The following LAMA3 variants were observed in gnomAD, a reference collection of about 807,000 sequenced individuals.
LAMA3 encodes laminin subunit alpha 3.
In LAMA3, 281 loss-of-function variants were observed where a neutral mutation model predicts 402.0. That is an observed-to-expected ratio of 0.70 (90% CI 0.63 to 0.77). LAMA3 has a LOEUF of 0.77. LAMA3 is among the 30% of genes least tolerant of loss of function. LAMA3 has a pLI of 0.00. For missense variants in LAMA3, 3,840 were observed against 4,215.5 expected (o/e 0.91, Z 2.47); for synonymous variants, 1,431 against 1,558.4 (o/e 0.92, Z 1.93).
chr18:23,764,696 T>C (rs1598744839), intron 8 of LAMA3, among the ~76,000 whole-genome samples: 1 of 152,292 alleles, frequency 6.6e-6, no homozygotes, highest in African/African-American at 2.4e-5. Context: ...CAGTTAGATA[T>C]TTAGGTAGCG....
chr18:23,927,401 T>G (rs1238987025), intron 62 of LAMA3, among the ~76,000 whole-genome samples: 3 of 152,150 alleles, frequency 2.0e-5, no homozygotes, highest in African/African-American at 7.2e-5. Flanking sequence ...ACACCTGACC[T>G]CAAGTGATCC....
intron 70 of LAMA3, chr18:23,946,595 A>T: frequency 3.0e-6 from 1 of 328,136 alleles, no homozygotes. Flanking sequence ...TAGGTTATAG[A>T]CAGAGATTTT....
chr18:23,915,349 G>A lies in LAMA3; in HGVS notation c.7705G>A (p.Glu2569Lys). Reference protein sequence around the residue: ...KGCIELDDLNENVLSLYNFKK... With the variant: ...KGCIELDDLNKNVLSLYNFKK... ...TTGTATTGAATTAGATGACCTCAAT[G>A]AAAATGTTCTGAGCTTGTACAACTT... The change falls in exon 59 of 75, where the codon GAA becomes AAA. Residue 2569 changes from glutamate to lysine, a missense_variant. Glu to Lys is a moderately conservative substitution (Grantham distance 56, BLOSUM62 1). Coordinates refer to ENST00000313654, the MANE Select transcript of LAMA3 (RefSeq NM_198129.4). 3.1e-6 allele frequency: 5 copies of A among 1,613,476 alleles called. No individual in the cohort carries two copies. Among genetic ancestry groups the A allele is most frequent in the Non-Finnish European group, 4.2e-6 (5 of 1,179,462 alleles).
At chr18:23,854,089 T>G (rs2064008125) in intron 32 of LAMA3, among the ~76,000 whole-genome samples, 1 of 152,252 alleles carries the variant, frequency 6.6e-6, no homozygotes, top group Non-Finnish European at 1.5e-5. Flanking sequence ...CCCTCTGCTC[T>G]GTTGGCTTTT....
intron 74 of LAMA3, among the ~76,000 whole-genome samples, chr18:23,953,804 A>G (rs1463136931): frequency 6.6e-6 from 1 of 152,190 alleles, no homozygotes; most frequent in Non-Finnish European, 1.5e-5. Flanking sequence ...GACTGGGAGA[A>G]TCAGGTAGGC....
At position 23,689,573 on chromosome 18, in the gene LAMA3, C is replaced by A. The variant is rs1202710389; in HGVS notation, c.-111C>A. The A allele has an allele frequency of 4.7e-6, 5 of 1,074,896 alleles. No homozygotes were observed. The Admixed American group carries it at 1.3e-4, about 28-fold the overall frequency. 66.6% of individuals were successfully genotyped at this position (1,074,896 alleles called of 1,614,324 possible). A position where few individuals can be genotyped will look rare whatever the true frequency, so the allele number is the denominator to read the frequency against. On this transcript the variant is annotated 5_prime_UTR_variant, in exon 1 of 75. Transcript: ENST00000313654. ...GGAGCGGCCCCGGCGCCGCCCATAT[C>A]CCCGGCTGCGCTAGTCCTGGCGCTG...
At chr18:23,837,570 G>GATATAGATATATATATATATATAT (rs1555707626) in intron 25 of LAMA3, among the ~76,000 whole-genome samples, 12 of 83,294 alleles carry the variant, frequency 1.4e-4, no homozygotes, top group Admixed American at 6.6e-4. Context: ...CAGTTAATCA[G>GATATAGATATATATATATATATAT]ATATATATAT....
At position 23,833,884 on chromosome 18, in the gene LAMA3, C is replaced by T. The variant is rs757567744; in HGVS notation, c.2880C>T (p.Val960=). Residue 960 remains valine, a synonymous_variant, in exon 24 of 75, where the codon GTC becomes GTT. Coordinates refer to ENST00000313654, the MANE Select transcript of LAMA3 (RefSeq NM_198129.4). Reference sequence around the variant, plus strand: ...AGGTTGGCCACTACGTGGTTGTGGTCGAGTATTCCACGGAGGCAGCTCAGC... The same window carrying T: ...AGGTTGGCCACTACGTGGTTGTGGTTGAGTATTCCACGGAGGCAGCTCAGC... The part of the protein sequence containing the change: ...IPQVGHYVVV[V]EYSTEAAQLF... 10 of 1,613,864 alleles carry T rather than the reference C, an allele frequency of 6.2e-6. No homozygotes were observed. Among genetic ancestry groups the T allele is most frequent in the African/African-American group, 1.3e-5 (1 of 74,870 alleles).
In LAMA3 at chr18:23,881,968, T is replaced by C; in HGVS notation, c.5145T>C (p.Cys1715=). 1 of 1,614,092 alleles carries C rather than the reference T, an allele frequency of 6.2e-7. No homozygotes were observed. Among genetic ancestry groups the C allele is most frequent in the Non-Finnish European group, 8.5e-7 (1 of 1,179,970 alleles). Residue 1715 remains cysteine (C), a synonymous_variant, in exon 40 of 75, where the codon TGT becomes TGC. Transcript: ENST00000313654. ...AGCACAACACCGCGGGAGAGCACTG[T>C]GAACGCTGCCAGGAGGGCTACTATG... ...NCQHNTAGEH[C]ERCQEGYYGN...
At chr18:23,841,292 G>T (rs555697793) in intron 27 of LAMA3, among the ~76,000 whole-genome samples, 1 of 152,214 alleles carries the variant, frequency 6.6e-6, no homozygotes, top group African/African-American at 2.4e-5. Flanking sequence ...TGTTGTTGCT[G>T]TTGAAGATTT....
Position 23,904,225 on chromosome 18 carries a change from G to A in LAMA3, c.6473+138G>A, listed in dbSNP as rs945744284. ...GGCGGAGGGTGGGGTCAAGGCCAAT[G>A]CCCCAGGCCCAAGTCAGAAGCAGAG... On this transcript the variant is annotated intron_variant, in intron 50 of 74. Coordinates refer to ENST00000313654, the MANE Select transcript of LAMA3 (RefSeq NM_198129.4). The A allele has an allele frequency of 4.3e-6, 4 of 940,258 alleles. No individual in the cohort carries two copies. The Admixed American group carries it at 6.1e-5, about 14-fold the overall frequency. The allele number at this position is 940,258 out of a possible 1,614,324, so 58.2% of individuals were successfully genotyped here. A position where few individuals can be genotyped will look rare whatever the true frequency, so the allele number is the denominator to read the frequency against.
At chr18:23,847,736 G>A in intron 32 of LAMA3, 68 bp downstream of exon 32, 2 of 1,486,154 alleles carry the variant, frequency 1.3e-6, no homozygotes, top group Non-Finnish European at 1.8e-6. Context: ...CCACACACTG[G>A]TCATCGTCAC....
At chr18:23,735,580 G>A (rs966444750) in intron 2 of LAMA3, among the ~76,000 whole-genome samples, 1 of 151,872 alleles carries the variant, frequency 6.6e-6, no homozygotes, top group African/African-American at 2.4e-5. Context: ...CCTTAAACAC[G>A]CTCCCTTGAG....
chr18:23,713,770 T>C, intron 1 of LAMA3, 150 bp from the exon 2 acceptor site: 2 of 682,630 alleles, frequency 2.9e-6, no homozygotes, highest in South Asian at 3.7e-5. Flanking sequence ...TCAGAATACA[T>C]TCCAGTGAAT....
chr18:23,868,292 A>T (rs1182033907), intron 37 of LAMA3, among the ~76,000 whole-genome samples: 1 of 152,210 alleles, frequency 6.6e-6, no homozygotes, highest in Non-Finnish European at 1.5e-5. Flanking sequence ...TAGATTCAAA[A>T]CATGAATTAT....
intron 67 of LAMA3, among the ~76,000 whole-genome samples, chr18:23,934,573 T>C (rs890763358): frequency 6.6e-6 from 1 of 152,240 alleles, no homozygotes; most frequent in Non-Finnish European, 1.5e-5. Context: ...CTCCTTGCTC[T>C]GCTCAAGGTC....
intron 8 of LAMA3, among the ~76,000 whole-genome samples, chr18:23,764,115 C>G (rs1478192198): frequency 1.3e-5 from 2 of 152,034 alleles, no homozygotes; most frequent in East Asian, 3.9e-4. Context: ...GTCATTCTTT[C>G]TTGTGTTCTT....
intron 62 of LAMA3, among the ~76,000 whole-genome samples, chr18:23,922,149 C>T (rs543964773): frequency 3.6e-4 from 55 of 152,294 alleles, no homozygotes; most frequent in Middle Eastern, 3.4e-3. Flanking sequence ...TGGGAAAAAT[C>T]CCACCATTTT....
rs549477580 is a variant in LAMA3 at position 23,710,547 on chromosome 18, C to G, written c.295-3373C>G. Reference sequence around the variant, plus strand: ...AAGAAGGCTGCAAAGAGTTTTAACACTTAAGAAAGTCATTCTTCTGATTTT... The same window carrying G: ...AAGAAGGCTGCAAAGAGTTTTAACAGTTAAGAAAGTCATTCTTCTGATTTT... On this transcript the variant is annotated intron_variant, in intron 1 of 74. Transcript: ENST00000313654. Among the ~76,000 whole-genome samples the G allele has an allele frequency of 2.7e-3, 405 of 152,254 alleles. 3 individuals carry two copies. Among genetic ancestry groups the G allele is most frequent in the Non-Finnish European group, 4.4e-3 (302 of 68,020 alleles).
Sources: allele counts gnomAD v4.1 joint callset (sites outside exome capture counted in the v4.1 genomes callset), GRCh38; gene constraint gnomAD v4.1.1; transcripts MANE v1.5; gene names NCBI Gene and HGNC (gene_info 2026-07-23, HGNC 2026-07-21).